Variants in ITGA11 observed in about 807,000 individuals in gnomAD.
ITGA11 encodes integrin alpha-11.
In ITGA11, 97 loss-of-function variants were observed where a neutral mutation model predicts 141.9. The observed-to-expected ratio is 0.68, with a 90% confidence interval of 0.58 to 0.81. The LOEUF (loss-of-function observed/expected upper bound fraction) is 0.81, where lower values mean the gene tolerates loss of function less well. Among genes scored for constraint, ITGA11 ranks in the 30% least tolerant of loss-of-function variants. The pLI is 0.00. For synonymous variants in ITGA11, 658 were observed against 624.6 expected (o/e 1.05, Z -0.80); for missense variants, 1,387 against 1,559.2 (o/e 0.89, Z 1.86).
chr15:68,348,145 C>A (rs917175262), intron 10 of ITGA11, among the ~76,000 whole-genome samples: 1 of 152,236 alleles, frequency 6.6e-6, no homozygotes, highest in African/African-American at 2.4e-5. Flanking sequence ...TCCTTATGAA[C>A]CAGCACCAGG....
rs1308677825 is a variant in ITGA11 at position 68,335,067 on chromosome 15, G to A, written c.1425+630C>T. The stretch of plus-strand genomic sequence containing the variant: ...GACTGTTCCCAGGCTCAGGAGAGCC[G>A]GCAGGGAGCTGGGGACAACATGGAA... On this transcript the variant is annotated intron_variant, in intron 12 of 29. Coordinates refer to ENST00000315757, the MANE Select transcript of ITGA11 (RefSeq NM_001004439.2). This position sits in a 1 kb window ranked among gnomAD's most constrained non-coding sequence, Gnocchi z 4.9. Among the ~76,000 whole-genome samples, 2 of 152,296 alleles carry A rather than the reference G, an allele frequency of 1.3e-5. No individual in the cohort carries two copies. Among genetic ancestry groups the A allele is most frequent in the Non-Finnish European group, 1.5e-5 (1 of 68,028 alleles).
chr15:68,419,355 C>G (rs1226994804), intron 1 of ITGA11, among the ~76,000 whole-genome samples: 1 of 152,152 alleles, frequency 6.6e-6, no homozygotes, highest in Admixed American at 6.5e-5. Flanking sequence ...TGAAGGACTA[C>G]CATGCAAAGT....
At chr15:68,376,382 T>TGTCTTGTATTCCTCA (rs1895729512) in intron 2 of ITGA11, among the ~76,000 whole-genome samples, 1 of 152,238 alleles carries the variant, frequency 6.6e-6, no homozygotes, top group Non-Finnish European at 1.5e-5. Flanking sequence ...ATTCCTCAAG[T>TGTCTTGTATTCCTCA]ACTTTGTAGT....
intron 2 of ITGA11, among the ~76,000 whole-genome samples, chr15:68,371,590 C>T (rs1358929649): frequency 6.6e-6 from 1 of 152,008 alleles, no homozygotes. Flanking sequence ...TGGTGGTGGG[C>T]ATCTGTAATC....
At chr15:68,370,056 G>C (rs1353368556) in intron 2 of ITGA11, among the ~76,000 whole-genome samples, 2 of 152,130 alleles carry the variant, frequency 1.3e-5, no homozygotes, top group Non-Finnish European at 2.9e-5. Context: ...GAGCGCCCGG[G>C]ACCACCAGAA....
At chr15:68,327,781 C>T (rs908181530) in intron 16 of ITGA11, among the ~76,000 whole-genome samples, 1 of 152,222 alleles carries the variant, frequency 6.6e-6, no homozygotes, top group Non-Finnish European at 1.5e-5. Flanking sequence ...GACTTCTGGG[C>T]TTCCACACCC....
At chr15:68,427,684 C>T (rs1175374439) in intron 1 of ITGA11, among the ~76,000 whole-genome samples, 1 of 152,166 alleles carries the variant, frequency 6.6e-6, no homozygotes, top group African/African-American at 2.4e-5. Context: ...CACCAGTCTC[C>T]TCCTCTCCTT....
At chr15:68,397,520 AATATT>A (rs1423856778) in intron 2 of ITGA11, among the ~76,000 whole-genome samples, 3 of 70,314 alleles carry the variant, frequency 4.3e-5, no homozygotes, top group African/African-American at 2.4e-4. Context: ...ATATATTTAA[AATATT>A]ATAAAATATT....
Position 68,310,791 on chromosome 15 carries a change from A to C in ITGA11, c.3174+203T>G, listed in dbSNP as rs145128692. Among the ~76,000 whole-genome samples, 85 of 151,906 alleles carry C rather than the reference A, an allele frequency of 5.6e-4. 1 individual carries two copies. The East Asian group carries it at 0.014, about 24-fold the overall frequency. ...GACACTCACTCTGTGTGTTTGTCCC[A>C]CTCCCTGTGAGACGGGGGACTCACA... is the stretch of plus-strand genomic sequence containing the variant. On this transcript the variant is annotated intron_variant, in intron 26 of 29. Coordinates refer to ENST00000315757, the MANE Select transcript of ITGA11 (RefSeq NM_001004439.2).
chr15:68,423,288 A>G (rs745723624), intron 1 of ITGA11, among the ~76,000 whole-genome samples: 4 of 152,052 alleles, frequency 2.6e-5, no homozygotes, highest in Non-Finnish European at 4.4e-5. Context: ...GAATCACACA[A>G]GTGGGGCCCC....
intron 1 of ITGA11, among the ~76,000 whole-genome samples, chr15:68,430,447 A>C: frequency 6.6e-6 from 1 of 152,234 alleles, no homozygotes. Flanking sequence ...GTGCAGAGCC[A>C]GAAGTGGAAG....
At chr15:68,396,754 A>G (rs1310887429) in intron 2 of ITGA11, among the ~76,000 whole-genome samples, 1 of 149,494 alleles carries the variant, frequency 6.7e-6, no homozygotes, top group African/African-American at 2.4e-5. Flanking sequence ...ACAAAAATCA[A>G]TTGTATTTTT....
intron 2 of ITGA11, among the ~76,000 whole-genome samples, chr15:68,399,155 G>C (rs893409182): frequency 5.3e-5 from 8 of 151,906 alleles, no homozygotes; most frequent in African/African-American, 1.9e-4. Flanking sequence ...ATTAAAAAGA[G>C]GGCAAAGGAC....
chr15:68,423,958 T>C (rs1897079151), intron 1 of ITGA11, among the ~76,000 whole-genome samples: 1 of 152,158 alleles, frequency 6.6e-6, no homozygotes, highest in Non-Finnish European at 1.5e-5. Flanking sequence ...GGACTTCGAC[T>C]AACCCCTGCC....
intron 2 of ITGA11, among the ~76,000 whole-genome samples, chr15:68,375,847 T>TCA (rs1895714035): frequency 6.6e-6 from 1 of 152,172 alleles, no homozygotes; most frequent in Admixed American, 6.5e-5. Context: ...GGGTGTTTTT[T>TCA]GCATGAGATT....
rs371030182 is a variant in ITGA11 at position 68,351,399 on chromosome 15, T to C, written c.753A>G (p.Ser251=). 6.2e-7 allele frequency: 1 copy of C among 1,613,662 alleles called. No homozygotes were observed. The highest frequency in any genetic ancestry group is 8.5e-7 in the Non-Finnish European group (1 of 1,179,836). ...TCCTTCCACCCTTCTGGAAAGCCTCTGAGCTGGAAGCCAAGCACAGGGGCA... is the reference window on the plus strand; with the variant it reads ...TCCTTCCACCCTTCTGGAAAGCCTCCGAGCTGGAAGCCAAGCACAGGGGCA... The part of the protein sequence containing the change: ...RTAFGIEFAR[S]EAFQKGGRKG... The change falls in exon 8 of 30, where the codon TCA becomes TCG. Residue 251 remains serine, a synonymous_variant. Transcript: ENST00000315757.
intron 21 of ITGA11, 71 bp downstream of exon 21, chr15:68,317,194 C>T (rs1000439491): frequency 5.8e-5 from 63 of 1,080,776 alleles, no homozygotes; most frequent in African/African-American, 1.4e-4. Flanking sequence ...TTGCTCTTGC[C>T]GCCCTCCCCA....
At chr15:68,363,135 C>T (rs1320257084) in intron 4 of ITGA11, among the ~76,000 whole-genome samples, 1 of 152,060 alleles carries the variant, frequency 6.6e-6, no homozygotes, top group African/African-American at 2.4e-5. Flanking sequence ...GATGTATAGA[C>T]AGATGGGTAG....
chr15:68,339,718 T>C, intron 10 of ITGA11, 74 bp from the exon 11 acceptor site: 2 of 1,569,488 alleles, frequency 1.3e-6, no homozygotes, highest in Non-Finnish European at 1.7e-6. Context: ...TCAGGTCCTA[T>C]GACCAGTGAC....
Sources: allele counts gnomAD v4.1 joint callset (sites outside exome capture counted in the v4.1 genomes callset), GRCh38; gene constraint gnomAD v4.1.1; non-coding constraint Gnocchi (gnomAD v3.1); transcripts MANE v1.5; gene names NCBI Gene and HGNC (gene_info 2026-07-23, HGNC 2026-07-21).